The following SGK1 variants were observed in gnomAD, a reference collection of about 807,000 sequenced individuals.
The protein encoded by SGK1 is serine/threonine-protein kinase Sgk1.
SGK1 carries 26 observed loss-of-function variants against 64.2 expected under a neutral mutation model. The observed-to-expected ratio is 0.40, with a 90% CI of 0.30 to 0.56. The LOEUF is 0.56. SGK1 is among the 20% of genes least tolerant of loss of function. SGK1 has a pLI of 0.38. For synonymous variants in SGK1, 265 were observed against 239.7 expected (o/e 1.11, Z -0.98); for missense variants, 519 against 645.6 (o/e 0.80, Z 2.12).
At chr6:134,221,069 C>A (rs757938603) in intron 2 of SGK1, among the ~76,000 whole-genome samples, 2 of 151,772 alleles carry the variant, frequency 1.3e-5, no homozygotes, top group East Asian at 3.9e-4. Context: ...TTTGGGAGGC[C>A]GAGGCAGGCA....
chr6:134,299,466 G>A (rs1021414799), intron 1 of SGK1, among the ~76,000 whole-genome samples: 1 of 152,168 alleles, frequency 6.6e-6, no homozygotes, highest in Non-Finnish European at 1.5e-5. Flanking sequence ...TTAGCTAAGT[G>A]TGGAGTAAGG....
chr6:134,232,775 C>T (rs1006337055), intron 2 of SGK1, among the ~76,000 whole-genome samples: 1 of 151,718 alleles, frequency 6.6e-6, no homozygotes, highest in East Asian at 1.9e-4. Context: ...TTACTTGAAC[C>T]CGGGAGGCAG....
chr6:134,186,076 A>C (rs1775419014), intron 3 of SGK1, among the ~76,000 whole-genome samples: 1 of 152,194 alleles, frequency 6.6e-6, no homozygotes, highest in African/African-American at 2.4e-5. Flanking sequence ...ATGCTTTGCC[A>C]GTTCTCTACG....
intron 1 of SGK1, among the ~76,000 whole-genome samples, chr6:134,287,984 C>T (rs2114777485): frequency 6.6e-6 from 1 of 152,214 alleles, no homozygotes; most frequent in East Asian, 1.9e-4. Flanking sequence ...ATCTCCTTAC[C>T]TAACCTAAGA....
intron 2 of SGK1, among the ~76,000 whole-genome samples, chr6:134,257,452 T>C (rs1355484658): frequency 6.6e-6 from 1 of 152,198 alleles, no homozygotes; most frequent in Non-Finnish European, 1.5e-5. Context: ...AATTAGTTCA[T>C]AAAAGACTTG....
intron 2 of SGK1, among the ~76,000 whole-genome samples, chr6:134,221,260 T>C (rs1776086993): frequency 6.6e-6 from 1 of 152,184 alleles, no homozygotes; most frequent in African/African-American, 2.4e-5. Flanking sequence ...GCCAAGACTG[T>C]GCCACTGATC....
chr6:134,184,436 C>T (rs1222404033), intron 3 of SGK1, among the ~76,000 whole-genome samples: 1 of 137,560 alleles, frequency 7.3e-6, no homozygotes, highest in Non-Finnish European at 1.5e-5. Context: ...ACGCAGGAGG[C>T]AGAGGCCGCA....
At chr6:134,256,040 G>A (rs1229665382) in intron 2 of SGK1, among the ~76,000 whole-genome samples, 2 of 146,840 alleles carry the variant, frequency 1.4e-5, no homozygotes, top group African/African-American at 5.0e-5. Context: ...TTATCTTCTT[G>A]GTAGATATTT....
Position 134,170,806 on chromosome 6 carries a change from G to A in SGK1, c.1413+20C>T, listed in dbSNP as rs1284694715. ...TGCCCTTTGGGCTTCTCTATACTTAGAAGAGAGACAGATACTCACCACATT... is the reference window on the plus strand; with the variant it reads ...TGCCCTTTGGGCTTCTCTATACTTAAAAGAGAGACAGATACTCACCACATT... On this transcript the variant is annotated intron_variant, in intron 13 of 13. Transcript: ENST00000367858. 6.7e-7 allele frequency: 1 copy of A among 1,492,492 alleles called. No homozygotes were observed. The allele number at this position is 1,492,492 out of a possible 1,614,324, so 92.5% of individuals were successfully genotyped here.
intron 3 of SGK1, among the ~76,000 whole-genome samples, chr6:134,187,035 C>T (rs1385055704): frequency 1.3e-5 from 2 of 152,046 alleles, no homozygotes; most frequent in South Asian, 2.1e-4. Flanking sequence ...AAGCTGGTCT[C>T]GAACTCCTAA....
chr6:134,244,738 C>T (rs1163432840), intron 2 of SGK1, among the ~76,000 whole-genome samples: 1 of 152,226 alleles, frequency 6.6e-6, no homozygotes, highest in Non-Finnish European at 1.5e-5. Flanking sequence ...CTGGGAGCTG[C>T]AGACCAGAGC....
chr6:134,174,136 A>C (rs552105074), intron 4 of SGK1, 56 bp from the exon 5 acceptor site: 1 of 1,302,562 alleles, frequency 7.7e-7, no homozygotes, highest in East Asian at 2.3e-5. Flanking sequence ...GGGGCACACC[A>C]ACATCAAAAG....
At chr6:134,270,708 G>T (rs919908138) in intron 1 of SGK1, among the ~76,000 whole-genome samples, 1 of 147,772 alleles carries the variant, frequency 6.8e-6, no homozygotes, top group Non-Finnish European at 1.5e-5. Flanking sequence ...GGCCTAGTCC[G>T]GAGGATGGAG....
At chr6:134,297,687 G>C in intron 1 of SGK1, 1 of 437,630 alleles carries the variant, frequency 2.3e-6, no homozygotes, top group East Asian at 5.4e-5. Context: ...ATTTTTAGTA[G>C]AGACAGGGTT....
intron 1 of SGK1, among the ~76,000 whole-genome samples, chr6:134,312,322 T>C (rs551974530): frequency 1.3e-5 from 2 of 152,230 alleles, no homozygotes; most frequent in African/African-American, 4.8e-5. Context: ...AAAGGGCCTT[T>C]GTTATTCCAA....
At chr6:134,269,758 T>G (rs549163042) in intron 1 of SGK1, among the ~76,000 whole-genome samples, 3 of 148,164 alleles carry the variant, frequency 2.0e-5, no homozygotes, top group South Asian at 4.4e-4. Context: ...GAGTGTAATT[T>G]AGGAGAAGGC....
chr6:134,208,764 ATATATATGTG>A (rs770100970), intron 2 of SGK1, among the ~76,000 whole-genome samples: 2 of 72,240 alleles, frequency 2.8e-5, no homozygotes, highest in Non-Finnish European at 4.6e-5. Flanking sequence ...ATATATACAC[ATATATATGTG>A]TATATATAGA....
At chr6:134,284,246 C>T (rs931613426) in intron 1 of SGK1, among the ~76,000 whole-genome samples, 5 of 152,080 alleles carry the variant, frequency 3.3e-5, no homozygotes, top group Non-Finnish European at 7.4e-5. Flanking sequence ...GTGCACACCA[C>T]CACGCCTGGC....
intron 2 of SGK1, among the ~76,000 whole-genome samples, chr6:134,253,374 C>T (rs1375084129): frequency 3.3e-5 from 5 of 151,380 alleles, no homozygotes; most frequent in Non-Finnish European, 7.4e-5. Flanking sequence ...CTCAAGCTAT[C>T]GTCTCGCCTC....
Sources: gnomAD v4.1 joint callset for allele counts (sites outside exome capture counted in the v4.1 genomes callset) on GRCh38, gnomAD v4.1.1 for gene constraint, MANE v1.5 for transcripts, NCBI Gene and HGNC (gene_info 2026-07-23, HGNC 2026-07-21) for gene names.